Variants in ARHGAP24 observed in about 807,000 individuals in gnomAD.
ARHGAP24 encodes the protein rho GTPase-activating protein 24.
Under a neutral mutation model 76.4 loss-of-function variants are expected in ARHGAP24, and 50 were observed. The ratio of observed to expected loss-of-function variants is 0.65; its 90% CI spans 0.52 to 0.83. The LOEUF (loss-of-function observed/expected upper bound fraction) is 0.83, where lower values mean the gene tolerates loss of function less well. Ranked by LOEUF, ARHGAP24 falls within the 40% of genes least tolerant of loss-of-function variation. ARHGAP24 has a pLI of 0.00. For missense variants in ARHGAP24, 930 were observed against 914.2 expected (o/e 1.02, Z -0.22); for synonymous variants, 345 against 323.3 (o/e 1.07, Z -0.72).
At chr4:85,923,613 G>A in intron 3 of ARHGAP24, 35 bp from the exon 4 acceptor site, 1 of 1,612,776 alleles carries the variant, frequency 6.2e-7, no homozygotes, top group South Asian at 1.1e-5. Flanking sequence ...ATCTCTGGAT[G>A]CAACTTCAGC....
At chr4:85,840,427 T>TGTG in intron 3 of ARHGAP24, among the ~76,000 whole-genome samples, 1 of 152,314 alleles carries the variant, frequency 6.6e-6, no homozygotes, top group East Asian at 1.9e-4. Context: ...GGGTGCACAC[T>TGTG]GCGCCCAGGA....
intron 2 of ARHGAP24, among the ~76,000 whole-genome samples, chr4:85,586,165 C>T (rs1560542464): frequency 6.6e-6 from 1 of 152,018 alleles, no homozygotes; most frequent in East Asian, 1.9e-4. Context: ...ATTCTTTTAG[C>T]CAATTGCTAT....
At chr4:85,856,076 G>A (rs138089824) in intron 3 of ARHGAP24, among the ~76,000 whole-genome samples, 57 of 152,224 alleles carry the variant, frequency 3.7e-4, no homozygotes, top group African/African-American at 1.3e-3. Context: ...ATTCCCACCA[G>A]CATGTTTAAG....
At chr4:85,823,880 CCTTT>C (rs1729588877) in intron 3 of ARHGAP24, among the ~76,000 whole-genome samples, 1 of 148,076 alleles carries the variant, frequency 6.8e-6, no homozygotes. Flanking sequence ...CCCTTTCTTC[CCTTT>C]CTTTCTTCTT....
At chr4:85,966,301 G>A (rs1386698231) in intron 5 of ARHGAP24, among the ~76,000 whole-genome samples, 1 of 152,136 alleles carries the variant, frequency 6.6e-6, no homozygotes, top group Non-Finnish European at 1.5e-5. Flanking sequence ...GAGGATAGGA[G>A]GGATATTCAG....
chr4:85,956,932 C>G (rs1372306981), intron 5 of ARHGAP24, among the ~76,000 whole-genome samples: 1 of 152,212 alleles, frequency 6.6e-6, no homozygotes, highest in Non-Finnish European at 1.5e-5. Flanking sequence ...AAGAGGGTAG[C>G]TGTTGCTGGC....
chr4:85,628,198 C>T (rs975916775), intron 2 of ARHGAP24, among the ~76,000 whole-genome samples: 1 of 152,194 alleles, frequency 6.6e-6, no homozygotes, highest in Non-Finnish European at 1.5e-5. Flanking sequence ...CGGAGCTGTT[C>T]CTATTTGACC....
chr4:85,628,907 T>G (rs1292416802), intron 2 of ARHGAP24, among the ~76,000 whole-genome samples: 1 of 152,202 alleles, frequency 6.6e-6, no homozygotes, highest in African/African-American at 2.4e-5. Context: ...ATAGGCAAGG[T>G]ATGGTTGGTT....
chr4:85,622,613 G>C (rs1282410182), intron 2 of ARHGAP24, among the ~76,000 whole-genome samples: 1 of 152,152 alleles, frequency 6.6e-6, no homozygotes, highest in Admixed American at 6.5e-5. Flanking sequence ...TATATACCCA[G>C]TAATGGGATG....
intron 3 of ARHGAP24, among the ~76,000 whole-genome samples, chr4:85,904,962 G>A (rs1168015053): frequency 6.6e-6 from 1 of 152,152 alleles, no homozygotes; most frequent in African/African-American, 2.4e-5. Flanking sequence ...TTACAAATGC[G>A]ATTGTTGCCT....
At chr4:85,713,469 T>C (rs1350366717) in intron 2 of ARHGAP24, among the ~76,000 whole-genome samples, 1 of 152,012 alleles carries the variant, frequency 6.6e-6, no homozygotes, top group Non-Finnish European at 1.5e-5. Context: ...ATATTAACAG[T>C]TTCATTTTTT....
intron 3 of ARHGAP24, among the ~76,000 whole-genome samples, chr4:85,837,700 G>A (rs1238981026): frequency 6.6e-6 from 1 of 152,092 alleles, no homozygotes; most frequent in African/African-American, 2.4e-5. Flanking sequence ...ATGCTCAGGA[G>A]GAGCCCACTC....
At chr4:85,665,820 C>A (rs991246229) in intron 2 of ARHGAP24, among the ~76,000 whole-genome samples, 8 of 152,140 alleles carry the variant, frequency 5.3e-5, no homozygotes, top group South Asian at 2.1e-4. Context: ...AAATTCTTTT[C>A]TTTAAGAATG....
intron 1 of ARHGAP24, among the ~76,000 whole-genome samples, chr4:85,560,263 A>G (rs1726541826): frequency 6.6e-6 from 1 of 151,492 alleles, no homozygotes; most frequent in Non-Finnish European, 1.5e-5. Context: ...TTATACATAT[A>G]TTAAAATTAA....
chr4:85,758,820 G>T (rs1726626696), intron 3 of ARHGAP24, among the ~76,000 whole-genome samples: 1 of 152,274 alleles, frequency 6.6e-6, no homozygotes, highest in East Asian at 1.9e-4. Context: ...TGGAAGAGGA[G>T]AATATTAAGA....
intron 1 of ARHGAP24, among the ~76,000 whole-genome samples, chr4:85,512,112 C>T (rs575029230): frequency 6.6e-6 from 1 of 152,308 alleles, no homozygotes; most frequent in South Asian, 2.1e-4. Flanking sequence ...GGGGTCAGGA[C>T]TTCAATGTAT....
intron 2 of ARHGAP24, among the ~76,000 whole-genome samples, chr4:85,683,125 G>GGT (rs1553922589): frequency 5.2e-4 from 56 of 107,764 alleles, no homozygotes; most frequent in African/African-American, 1.3e-3. Context: ...GGTGGGGGGG[G>GGT]GGTGCGGGGG....
At chr4:85,681,282 C>G (rs1723195521) in intron 2 of ARHGAP24, among the ~76,000 whole-genome samples, 1 of 152,188 alleles carries the variant, frequency 6.6e-6, no homozygotes, top group African/African-American at 2.4e-5. Flanking sequence ...TCCTATGACT[C>G]AAGTCTAATT....
intron 1 of ARHGAP24, among the ~76,000 whole-genome samples, chr4:85,511,819 G>A (rs749128647): frequency 5.3e-4 from 81 of 152,290 alleles, no homozygotes; most frequent in Middle Eastern, 3.4e-3. Context: ...AAAGTGTCAG[G>A]AGGGCCACGC....
Sources: gnomAD v4.1 joint callset for allele counts (sites outside exome capture counted in the v4.1 genomes callset) on GRCh38, gnomAD v4.1.1 for gene constraint, MANE v1.5 for transcripts, NCBI Gene and HGNC (gene_info 2026-07-23, HGNC 2026-07-21) for gene names.